The following KIAA1217 variants were observed in gnomAD, a reference collection of about 807,000 sequenced individuals.
KIAA1217 encodes the protein sickle tail protein homolog.
In KIAA1217, 88 loss-of-function variants were observed where a neutral mutation model predicts 163.9. The observed-to-expected ratio is 0.54, with a 90% CI of 0.45 to 0.64. The LOEUF (loss-of-function observed/expected upper bound fraction) is 0.64, where lower values mean the gene tolerates loss of function less well. Ranked by LOEUF, KIAA1217 falls within the 30% of genes least tolerant of loss-of-function variation. The probability of loss-of-function intolerance (pLI) is 0.00; values close to 1 mark genes in which losing one functional copy is unlikely to be tolerated. For missense variants in KIAA1217, 2,372 were observed against 2,475.0 expected (o/e 0.96, Z 0.88); for synonymous variants, 903 against 923.1 (o/e 0.98, Z 0.39).
intron 3 of KIAA1217, among the ~76,000 whole-genome samples, chr10:24,424,032 G>T (rs2058978981): frequency 6.6e-6 from 1 of 151,360 alleles, no homozygotes; most frequent in Non-Finnish European, 1.5e-5. Flanking sequence ...CCCAATTCAA[G>T]ATAAAAACAG....
intron 9 of KIAA1217, among the ~76,000 whole-genome samples, chr10:24,511,339 G>A (rs556394233): frequency 1.3e-5 from 2 of 152,086 alleles, no homozygotes; most frequent in East Asian, 3.9e-4. Flanking sequence ...TCTGTACACT[G>A]TCTCTAAAAA....
chr10:24,258,995 A>AG lies in KIAA1217; in HGVS notation c.354+39090dup, dbSNP rs576693821. On this transcript the variant is annotated intron_variant, in intron 2 of 20. Coordinates refer to ENST00000376454, the MANE Select transcript of KIAA1217 (RefSeq NM_019590.5). The stretch of plus-strand genomic sequence containing the variant: ...CTTTGTCCCTCAAAGCCCAGGGATC[A>AG]GGGGCAGCCCGTGGAAGACGAGCCA... Among the ~76,000 whole-genome samples, 18 of 152,270 alleles carry AG rather than the reference A, an allele frequency of 1.2e-4. No individual in the cohort carries two copies. The East Asian group carries it at 3.3e-3, about 28-fold the overall frequency.
intron 3 of KIAA1217, among the ~76,000 whole-genome samples, chr10:24,397,740 T>C (rs560249131): frequency 5.2e-4 from 79 of 152,296 alleles, no homozygotes; most frequent in African/African-American, 1.9e-3. Flanking sequence ...AGTGATCACT[T>C]GAACATTCCA....
chr10:24,471,484 T>G (rs1318814675), intron 5 of KIAA1217, among the ~76,000 whole-genome samples: 1 of 151,906 alleles, frequency 6.6e-6, no homozygotes, highest in East Asian at 1.9e-4. Flanking sequence ...TTTTTTTTTA[T>G]TCTACTCCCT....
intron 2 of KIAA1217, among the ~76,000 whole-genome samples, chr10:24,056,105 C>T (rs1417086808): frequency 6.6e-6 from 1 of 152,172 alleles, no homozygotes; most frequent in Non-Finnish European, 1.5e-5. Flanking sequence ...TTAGTGGCCT[C>T]TCTCAATCCC....
intron 6 of KIAA1217, among the ~76,000 whole-genome samples, chr10:24,484,692 T>C (rs1211710384): frequency 6.6e-6 from 1 of 151,958 alleles, no homozygotes; most frequent in Non-Finnish European, 1.5e-5. Flanking sequence ...CTCCCAAAAT[T>C]TGGGGATTAC....
chr10:24,089,895 C>T (rs2061858645), intron 2 of KIAA1217, among the ~76,000 whole-genome samples: 1 of 151,750 alleles, frequency 6.6e-6, no homozygotes, highest in South Asian at 2.1e-4. Flanking sequence ...TCATTGCCAT[C>T]CCTGTCAAGC....
At chr10:23,997,724 C>T (rs994279479) in intron 1 of KIAA1217, among the ~76,000 whole-genome samples, 1 of 152,188 alleles carries the variant, frequency 6.6e-6, no homozygotes, top group Non-Finnish European at 1.5e-5. Context: ...TGGTGGCCTT[C>T]TATCCATGGA....
intron 5 of KIAA1217, among the ~76,000 whole-genome samples, chr10:24,460,602 T>C (rs574669650): frequency 6.6e-6 from 1 of 152,198 alleles, no homozygotes; most frequent in East Asian, 1.9e-4. Context: ...GTTGTTTGGC[T>C]GAGGATCAAA....
At chr10:24,359,022 G>A (rs2049516187) in intron 2 of KIAA1217, among the ~76,000 whole-genome samples, 1 of 148,950 alleles carries the variant, frequency 6.7e-6, no homozygotes, top group South Asian at 2.1e-4. Context: ...GTTAGCCAAT[G>A]TGTTTGTTCA....
At chr10:24,086,377 C>T (rs1455664652) in intron 2 of KIAA1217, among the ~76,000 whole-genome samples, 2 of 152,162 alleles carry the variant, frequency 1.3e-5, no homozygotes, top group Non-Finnish European at 2.9e-5. Flanking sequence ...CTGACATTAG[C>T]CAGAATATTT....
At chr10:24,496,403 G>T (rs2066786864) in intron 8 of KIAA1217, among the ~76,000 whole-genome samples, 1 of 152,208 alleles carries the variant, frequency 6.6e-6, no homozygotes. Context: ...TTTTAAAATG[G>T]ATTGTAAACT....
chr10:23,951,628 G>A (rs572262072), intron 1 of KIAA1217, among the ~76,000 whole-genome samples: 39 of 105,048 alleles, frequency 3.7e-4, no homozygotes, highest in African/African-American at 1.0e-3. Context: ...ACTCCAGCCT[G>A]CAAGCAAGCA....
At chr10:24,495,099 AAG>A (rs1232411890) in intron 7 of KIAA1217, 46 bp from the exon 8 acceptor site, 6 of 1,505,746 alleles carry the variant, frequency 4.0e-6, no homozygotes, top group African/African-American at 1.4e-5. Context: ...AAAAAAAAAA[AAG>A]GCATTTTGGA....
intron 1 of KIAA1217, among the ~76,000 whole-genome samples, chr10:23,760,259 A>C (rs1459033668): frequency 1.3e-5 from 2 of 152,150 alleles, no homozygotes; most frequent in African/African-American, 4.8e-5. Context: ...AGGCATATGA[A>C]GGGTGTGAGG....
chr10:24,417,779 G>T (rs1331511157), intron 3 of KIAA1217, among the ~76,000 whole-genome samples: 6 of 151,916 alleles, frequency 3.9e-5, no homozygotes, highest in African/African-American at 1.5e-4. Context: ...GAAAAATTAG[G>T]GTGTCCGTCC....
chr10:24,299,088 A>C (rs1339175610), intron 2 of KIAA1217, among the ~76,000 whole-genome samples: 1 of 152,198 alleles, frequency 6.6e-6, no homozygotes, highest in Non-Finnish European at 1.5e-5. Context: ...TACAAATTGT[A>C]AATACTGTAT....
intron 2 of KIAA1217, among the ~76,000 whole-genome samples, chr10:24,276,221 GC>G (rs1232037487): frequency 1.3e-5 from 2 of 152,154 alleles, no homozygotes; most frequent in African/African-American, 4.8e-5. Flanking sequence ...GATGCCATTT[GC>G]TGATCATCCA....
rs372241782 is a variant in KIAA1217, at chr10:24,473,306, G to T, written c.925G>T (p.Ala309Ser). ...CGGATCTACTGCTCATCCACCCCAT[G>T]CGATTCCAAATTCCCCACCGTCTAC... ...RPGSTAHPPH[A>S]IPNSPPSTPV... The change falls in exon 6 of 21, where the codon GCG becomes TCG. Residue 309 changes from alanine to serine, a missense_variant. Ala to Ser is a moderately conservative substitution (Grantham distance 99). This residue lies in a region of KIAA1217 where 1,431 missense variants were observed against 1,470.3 expected (regional missense o/e 0.97). Transcript: ENST00000376454. 1.9e-6 allele frequency: 3 copies of T among 1,555,986 alleles called. No individual in the cohort carries two copies. The highest frequency in any genetic ancestry group is 2.6e-6 in the Non-Finnish European group (3 of 1,151,262).
Sources: allele counts gnomAD v4.1 joint callset (sites outside exome capture counted in the v4.1 genomes callset), GRCh38; gene constraint gnomAD v4.1.1; regional missense constraint gnomAD v4.1.1; transcripts MANE v1.5; gene names NCBI Gene and HGNC (gene_info 2026-07-23, HGNC 2026-07-21).